PCDHGA1: variants seen among roughly 807,000 people sequenced by gnomAD.
The protein encoded by PCDHGA1 is protocadherin gamma subfamily A, 1, also known as protocadherin gamma-A1.
A neutral mutation model predicts 58.0 loss-of-function variants in PCDHGA1; 32 were observed. The observed-to-expected ratio is 0.55, with a 90% CI of 0.42 to 0.74. The LOEUF (loss-of-function observed/expected upper bound fraction) is 0.74. Ranked by LOEUF, PCDHGA1 falls within the 30% of genes least tolerant of loss-of-function variation. The pLI is 0.00. For missense variants in PCDHGA1, 1,205 were observed against 1,182.3 expected, an observed-to-expected ratio of 1.02 and a Z score of -0.28; for synonymous variants, 498 against 501.1, an observed-to-expected ratio of 0.99 and a Z score of 0.08.
rs576937130 is a variant in PCDHGA1 at position 141,427,508 on chromosome 5, G to A, written c.2422-67299G>A. ...ATAAGCTTGTAACAGATGGGACCCT[G>A]GATTGGGAGCGGATCCCGGAGTACA... On this transcript the variant is annotated intron_variant, in intron 1 of 3. Transcript: ENST00000517417. 9.9e-4 allele frequency: 584 copies of A among 587,058 alleles called. 6 individuals carry two copies. The highest frequency in any genetic ancestry group is 3.0e-4 in the Non-Finnish European group (94 of 311,294). The allele number at this position is 587,058 out of a possible 1,614,324, so 36.4% of individuals were successfully genotyped here.
intron 1 of PCDHGA1, among the ~76,000 whole-genome samples, chr5:141,492,808 A>C (rs1261752522): frequency 6.6e-6 from 1 of 152,252 alleles, no homozygotes; most frequent in African/African-American, 2.4e-5. Flanking sequence ...CTGGGACTCC[A>C]GTGGCACCAG....
At chr5:141,364,161 C>T in intron 1 of PCDHGA1, 2 of 652,296 alleles carry the variant, frequency 3.1e-6, no homozygotes, top group Non-Finnish European at 4.6e-6. Flanking sequence ...GCCGCAGAGG[C>T]GACCCGACTC....
intron 1 of PCDHGA1, chr5:141,383,994 C>T: frequency 6.2e-7 from 1 of 1,613,758 alleles, no homozygotes. Flanking sequence ...TTGGGACAGT[C>T]ATTGCTCTTT....
chr5:141,345,555 A>G, intron 1 of PCDHGA1: 1 of 1,614,144 alleles, frequency 6.2e-7, no homozygotes, highest in Non-Finnish European at 8.5e-7. Context: ...CGTCTCTATC[A>G]ACTCCAACAC....
At chr5:141,380,103 A>T (rs1371621007) in intron 1 of PCDHGA1, among the ~76,000 whole-genome samples, 3 of 151,578 alleles carry the variant, frequency 2.0e-5, no homozygotes, top group Admixed American at 6.6e-5. Flanking sequence ...TTTTACCATG[A>T]TGGCCAGGCT....
rs1247067983 is a variant in PCDHGA1, at chr5:141,511,327, C to T, written c.*154C>T. ...CCCTTGGGAAACAGAAACAAGTGCC[C>T]AGTCAGCACCTACCCCTTCCCCCCC... On this transcript the variant is annotated 3_prime_UTR_variant, in exon 4 of 4. Transcript: ENST00000517417. 28 of 1,455,454 alleles carry T rather than the reference C, an allele frequency of 1.9e-5. No individual in the cohort carries two copies. Among genetic ancestry groups the T allele is most frequent in the Admixed American group, 2.4e-5 (1 of 41,734 alleles). 90.2% of individuals were successfully genotyped at this position (1,455,454 alleles called of 1,614,324 possible). A position where few individuals can be genotyped will look rare whatever the true frequency, so the allele number is the denominator to read the frequency against.
intron 1 of PCDHGA1, among the ~76,000 whole-genome samples, chr5:141,336,941 A>G (rs2149718061): frequency 6.6e-6 from 1 of 152,326 alleles, no homozygotes; most frequent in South Asian, 2.1e-4. Context: ...AAAGAATCCC[A>G]AACAATTGGA....
At chr5:141,342,950 A>G (rs78668600) in intron 1 of PCDHGA1, 1,651 of 152,254 alleles carry the variant, frequency 0.011, 19 homozygotes, top group Non-Finnish European at 0.018. Context: ...ACACCTAGGC[A>G]TTGTCATGCT....
At chr5:141,500,241 C>T (rs1284996879) in intron 2 of PCDHGA1, among the ~76,000 whole-genome samples, 18 of 150,770 alleles carry the variant, frequency 1.2e-4, no homozygotes, top group Non-Finnish European at 1.5e-5. Flanking sequence ...CGTAGCCTTG[C>T]TCTGTCACCC....
rs756134036 is a variant in PCDHGA1 at position 141,374,596 on chromosome 5, G to GC, written c.2421+41492dup. On this transcript the variant is annotated intron_variant, in intron 1 of 3. Transcript: ENST00000517417. ...GAATGAACTCCCTTCAGGGATTTAA[G>GC]CTCAGTGGTAATAGTCACTTCTCAG... The GC allele has an allele frequency of 1.9e-6, 3 of 1,613,578 alleles. No homozygotes were observed. The African/African-American group carries it at 4.0e-5, about 22-fold the overall frequency.
chr5:141,503,812 G>C (rs2099831825), intron 2 of PCDHGA1, among the ~76,000 whole-genome samples: 1 of 152,114 alleles, frequency 6.6e-6, no homozygotes, highest in South Asian at 2.1e-4. Context: ...GGGAATCCCA[G>C]ATTGGGCAAA....
chr5:141,374,061 G>T, intron 1 of PCDHGA1: 1 of 1,493,670 alleles, frequency 6.7e-7, no homozygotes, highest in Non-Finnish European at 8.9e-7. Flanking sequence ...CTTAATCCCA[G>T]AGAAGTTCCT....
At chr5:141,419,306 C>T in intron 1 of PCDHGA1, 1 of 1,614,032 alleles carries the variant, frequency 6.2e-7, no homozygotes, top group Non-Finnish European at 8.5e-7. Context: ...AGACTTCGGG[C>T]TCAACGGCCG....
At chr5:141,407,114 T>C (rs1309229793) in intron 1 of PCDHGA1, among the ~76,000 whole-genome samples, 1 of 152,228 alleles carries the variant, frequency 6.6e-6, no homozygotes, top group Non-Finnish European at 1.5e-5. Flanking sequence ...ATTATTTGGG[T>C]TTCAGTTGCT....
rs2099745664 is a variant in PCDHGA1 at position 141,493,015 on chromosome 5, T to A, written c.2422-1792T>A. Among the ~76,000 whole-genome samples, 1 of 152,238 alleles carries A rather than the reference T, an allele frequency of 6.6e-6. No homozygotes were observed. The highest frequency in any genetic ancestry group is 1.5e-5 in the Non-Finnish European group (1 of 68,040). ...ATGGAAAGCTATAGGCTCTGCCAGA[T>A]GCCAGGGTGCCCTTATGTGTGAGGA... On this transcript the variant is annotated intron_variant, in intron 1 of 3. Transcript: ENST00000517417. The surrounding 1 kb of genome is among the most constrained non-coding windows in gnomAD (Gnocchi z 4.3).
chr5:141,387,194 G>T (rs867598874), intron 1 of PCDHGA1, among the ~76,000 whole-genome samples: 1 of 152,178 alleles, frequency 6.6e-6, no homozygotes, highest in Non-Finnish European at 1.5e-5. Flanking sequence ...GGCAATTTTG[G>T]TATTACTGAT....
rs147783721 is a variant in PCDHGA1 at position 141,404,989 on chromosome 5, G to A, written c.2421+71884G>A. 5 of 1,614,046 alleles carry A rather than the reference G, an allele frequency of 3.1e-6. No homozygotes were observed. The South Asian group carries it at 4.4e-5, about 14-fold the overall frequency. On this transcript the variant is annotated intron_variant, in intron 1 of 3. Coordinates refer to ENST00000517417, the MANE Select transcript of PCDHGA1 (RefSeq NM_018912.3). The stretch of plus-strand genomic sequence containing the variant: ...TCCTGGCTGACCTGGGCAGTCTTCA[G>A]ATCCCTGCAGACCTGGAGGCCTCAG...
At position 141,417,888 on chromosome 5, in the gene PCDHGA1, G is replaced by C. The variant is rs1406210540; in HGVS notation, c.2422-76919G>C. ...GGAGGGAGCTGCGCGCAGAGGCGCC[G>C]GGCCGGCCCGCGGCAGGTACTATTT... is the stretch of plus-strand genomic sequence containing the variant. On this transcript the variant is annotated intron_variant, in intron 1 of 3. Transcript: ENST00000517417. 1.3e-6 allele frequency: 2 copies of C among 1,566,652 alleles called. No homozygotes were observed. The highest frequency in any genetic ancestry group is 1.7e-4 in the Middle Eastern group (1 of 6,016).
chr5:141,485,993 A>C lies in PCDHGA1; in HGVS notation c.2422-8814A>C. 6.2e-7 allele frequency: 1 copy of C among 1,614,210 alleles called. No homozygotes were observed. Among genetic ancestry groups the C allele is most frequent in the Non-Finnish European group, 8.5e-7 (1 of 1,180,028 alleles). On this transcript the variant is annotated intron_variant, in intron 1 of 3. Coordinates refer to ENST00000517417, the MANE Select transcript of PCDHGA1 (RefSeq NM_018912.3). The surrounding 1 kb of genome is among the most constrained non-coding windows in gnomAD (Gnocchi z 5.7). ...TGCCTCAGACCCGGACCTGGGTCCC[A>C]GTGGTAACGTCACCTTTTATTTCAG...
Sources: gnomAD v4.1 joint callset for allele counts (sites outside exome capture counted in the v4.1 genomes callset) on GRCh38, gnomAD v4.1.1 for gene constraint, Gnocchi (gnomAD v3.1) non-coding constraint, MANE v1.5 for transcripts, NCBI Gene and HGNC (gene_info 2026-07-23, HGNC 2026-07-21) for gene names.